Variants in HIF3A observed in about 807,000 individuals in gnomAD.
The protein encoded by HIF3A is hypoxia inducible factor 3 subunit alpha, also known as hypoxia-inducible factor 3-alpha.
Under a neutral mutation model 67.2 loss-of-function variants are expected in HIF3A, and 41 were observed. The observed-to-expected ratio is 0.61, with a 90% CI of 0.48 to 0.79. The LOEUF (loss-of-function observed/expected upper bound fraction) is 0.79. Among genes scored for constraint, HIF3A ranks in the 30% least tolerant of loss-of-function variants. The pLI, the probability that HIF3A is intolerant of heterozygous loss-of-function variation, is 0.00. For synonymous variants in HIF3A, 356 were observed against 374.8 expected, an observed-to-expected ratio of 0.95 and a Z score of 0.58; for missense variants, 855 against 898.0, an observed-to-expected ratio of 0.95 and a Z score of 0.61.
chr19:46,320,024 G>A (rs1444867865), intron 8 of HIF3A, among the ~76,000 whole-genome samples: 1 of 152,158 alleles, frequency 6.6e-6, no homozygotes, highest in African/African-American at 2.4e-5. Context: ...GAGGTCAGGA[G>A]TTCGAGACCA....
At chr19:46,333,252 AG>A (rs1187168508) in intron 13 of HIF3A, among the ~76,000 whole-genome samples, 4 of 152,160 alleles carry the variant, frequency 2.6e-5, no homozygotes, top group Non-Finnish European at 5.9e-5. Context: ...GCACACTCAG[AG>A]GGAGTGTTGA....
intron 8 of HIF3A, among the ~76,000 whole-genome samples, chr19:46,314,289 G>T (rs1969738218): frequency 6.9e-6 from 1 of 145,560 alleles, no homozygotes; most frequent in Non-Finnish European, 1.5e-5. Flanking sequence ...AAGGAAGGAG[G>T]ATGACTAGAG....
Position 46,305,375 on chromosome 19 carries a change from C to G in HIF3A, c.348C>G (p.His116Gln). 1 of 1,614,028 alleles carries G rather than the reference C, an allele frequency of 6.2e-7. No individual in the cohort carries two copies. Among genetic ancestry groups the G allele is most frequent in the Non-Finnish European group, 8.5e-7 (1 of 1,180,022 alleles). ...MAYLSENVSK[H>Q]LGLSQLELIG... ...ACCTGTCGGAGAATGTCAGCAAACA[C>G]CTGGGCCTCAGTCAGGTGAGAGGAG... is the stretch of plus-strand genomic sequence containing the variant. Residue 116 changes from histidine to glutamine, a missense_variant, in exon 3 of 15, where the codon CAC (histidine) becomes CAG (glutamine). His to Gln is a conservative substitution (Grantham distance 24, BLOSUM62 0). This residue lies in a region of HIF3A where 638 missense variants were observed against 660.5 expected (regional missense o/e 0.97). Coordinates refer to ENST00000377670, the MANE Select transcript of HIF3A (RefSeq NM_152795.4).
chr19:46,325,302 C>T (rs751235926), intron 10 of HIF3A, among the ~76,000 whole-genome samples: 2 of 152,038 alleles, frequency 1.3e-5, no homozygotes, highest in Non-Finnish European at 2.9e-5. Context: ...CAGCCAGGCT[C>T]TGATCCTTCT....
intron 6 of HIF3A, among the ~76,000 whole-genome samples, chr19:46,310,140 G>C (rs1169115292): frequency 6.6e-6 from 1 of 152,206 alleles, no homozygotes; most frequent in Non-Finnish European, 1.5e-5. Flanking sequence ...CTGGAGAATT[G>C]CTTGAGCCCG....
Position 46,308,253 on chromosome 19 carries a change from C to T in HIF3A, c.396C>T (p.Phe132=). The part of the protein sequence containing the change: ...LELIGHSIFD[F]IHPCDQEELQ... ...TCATTGGACACAGCATCTTTGATTT[C>T]ATCCACCCCTGTGACCAAGAGGAGC... is the stretch of plus-strand genomic sequence containing the variant. The change falls in exon 4 of 15, where the codon TTC becomes TTT. Residue 132 remains phenylalanine (F), a synonymous_variant. Coordinates refer to ENST00000377670, the MANE Select transcript of HIF3A (RefSeq NM_152795.4). 1.9e-6 allele frequency: 3 copies of T among 1,613,932 alleles called. No individual in the cohort carries two copies. Among genetic ancestry groups the T allele is most frequent in the Non-Finnish European group, 2.5e-6 (3 of 1,179,886 alleles).
intron 14 of HIF3A, among the ~76,000 whole-genome samples, chr19:46,337,625 TGCATGGA>T: frequency 6.6e-6 from 1 of 152,298 alleles, no homozygotes; most frequent in South Asian, 2.1e-4. Flanking sequence ...GAGGGCTGAC[TGCATGGA>T]GCCTCTGTGG....
At chr19:46,325,444 C>G in intron 10 of HIF3A, 91 bp from the exon 11 acceptor site, 1 of 863,998 alleles carries the variant, frequency 1.2e-6, no homozygotes, top group East Asian at 2.5e-5. Context: ...GGCATTTGAT[C>G]CCCACTTCTA....
Position 46,340,497 on chromosome 19 carries a change from C to T in HIF3A, c.*875C>T. 1 of 155,216 alleles carries T rather than the reference C, an allele frequency of 6.4e-6. No individual in the cohort carries two copies. The highest frequency in any genetic ancestry group is 1.4e-5 in the Non-Finnish European group (1 of 70,294). The allele number at this position is 155,216 out of a possible 1,614,324, so 9.6% of individuals were successfully genotyped here. On this transcript the variant is annotated 3_prime_UTR_variant, in exon 15 of 15. Transcript: ENST00000377670. ...CTTCCTCTTCCTCCTGCTCCTCTTC[C>T]TCTTCTTCTTCTTTTTTTTTTTTGA... is the stretch of plus-strand genomic sequence containing the variant.
chr19:46,323,384 C>T (rs1271197663), intron 10 of HIF3A, among the ~76,000 whole-genome samples: 1 of 151,984 alleles, frequency 6.6e-6, no homozygotes, highest in Non-Finnish European at 1.5e-5. Flanking sequence ...ATCAAAAAGG[C>T]AGGGGAAGAT....
Position 46,309,395 on chromosome 19 carries a change from C to T in HIF3A, c.770+36C>T, listed in dbSNP as rs376107930. 5.5e-6 allele frequency: 8 copies of T among 1,459,214 alleles called. No individual in the cohort carries two copies. The South Asian group carries it at 6.3e-5, about 12-fold the overall frequency. 90.4% of individuals were successfully genotyped at this position (1,459,214 alleles called of 1,614,324 possible). On this transcript the variant is annotated intron_variant, in intron 6 of 14. Coordinates refer to ENST00000377670, the MANE Select transcript of HIF3A (RefSeq NM_152795.4). The stretch of plus-strand genomic sequence containing the variant: ...GCCCCCTCTTCCGTCTGCCCAAGTT[C>T]AAGTGCTGTTTCCCTCCCCACCTCC...
intron 8 of HIF3A, among the ~76,000 whole-genome samples, chr19:46,316,057 TC>T (rs1366590132): frequency 6.6e-6 from 1 of 151,726 alleles, no homozygotes; most frequent in African/African-American, 2.4e-5. Flanking sequence ...ATGGTGAAAC[TC>T]CATCTCTACT....
intron 1 of HIF3A, among the ~76,000 whole-genome samples, chr19:46,300,532 G>A (rs1027005094): frequency 3.3e-5 from 5 of 152,142 alleles, no homozygotes; most frequent in Non-Finnish European, 5.9e-5. Flanking sequence ...ATGGTGGCAG[G>A]AGCCTGTAAT....
chr19:46,332,617 C>G (rs1377412328), intron 13 of HIF3A, among the ~76,000 whole-genome samples: 2 of 152,220 alleles, frequency 1.3e-5, no homozygotes, highest in Non-Finnish European at 1.5e-5. Context: ...TCATGGCCCT[C>G]TAGTGCTTAC....
chr19:46,324,888 A>ATT (rs1246565446), intron 10 of HIF3A, among the ~76,000 whole-genome samples: 4 of 143,986 alleles, frequency 2.8e-5, no homozygotes, highest in African/African-American at 8.0e-5. Context: ...TCATGTTTTT[A>ATT]TTTATATATA....
intron 12 of HIF3A, among the ~76,000 whole-genome samples, chr19:46,330,480 ATGG>A (rs1354493438): frequency 6.6e-6 from 1 of 150,884 alleles, no homozygotes; most frequent in African/African-American, 2.4e-5. Context: ...GATGAATCGG[ATGG>A]ATGGAGGGAT....
chr19:46,327,777 G>A (rs1419186812), intron 11 of HIF3A, among the ~76,000 whole-genome samples: 3 of 152,166 alleles, frequency 2.0e-5, no homozygotes, highest in Non-Finnish European at 4.4e-5. Flanking sequence ...TACTCAGAAA[G>A]TGCTATACTT....
At position 46,331,286 on chromosome 19, in the gene HIF3A, A is replaced by T; in HGVS notation, c.1830+13A>T. On this transcript the variant is annotated intron_variant, in intron 13 of 14. Coordinates refer to ENST00000377670, the MANE Select transcript of HIF3A (RefSeq NM_152795.4). ...TCCTCTCAGCCTGGTGTGTTGGGGG[A>T]TTAATGGGATTCTCTGGCCCTCATT... 1 of 1,595,438 alleles carries T rather than the reference A, an allele frequency of 6.3e-7. No individual in the cohort carries two copies. Among genetic ancestry groups the T allele is most frequent in the South Asian group, 1.1e-5 (1 of 90,610 alleles).
chr19:46,332,721 C>T (rs377177414), intron 13 of HIF3A, among the ~76,000 whole-genome samples: 1 of 152,088 alleles, frequency 6.6e-6, no homozygotes. Flanking sequence ...TAATGCCTCA[C>T]GCCTGTAATC....
Sources: gnomAD v4.1 joint callset for allele counts (sites outside exome capture counted in the v4.1 genomes callset) on GRCh38, gnomAD v4.1.1 for gene constraint, gnomAD v4.1.1 regional missense constraint, MANE v1.5 for transcripts, NCBI Gene and HGNC (gene_info 2026-07-23, HGNC 2026-07-21) for gene names.